The following WDR64 variants were observed in gnomAD, a reference collection of about 807,000 sequenced individuals.
WDR64 encodes WD repeat-containing protein 64.
WDR64 carries 112 observed loss-of-function variants against 139.3 expected under a neutral mutation model. The ratio of observed to expected loss-of-function variants is 0.80; its 90% confidence interval spans 0.69 to 0.94. WDR64 has a LOEUF of 0.94. WDR64 is among the 40% of genes least tolerant of loss of function. WDR64 has a pLI of 0.00. For synonymous variants in WDR64, 444 were observed against 437.7 expected (o/e 1.01, Z -0.18); for missense variants, 1,206 against 1,293.1 (o/e 0.93, Z 1.03).
chr1:241,660,381 G>A, intron 1 of WDR64, 149 bp from the exon 2 acceptor site: 1 of 964,802 alleles, frequency 1.0e-6, no homozygotes, highest in East Asian at 2.7e-5. Flanking sequence ...TTAGGATTGT[G>A]CAAAGACAAG....
rs1454821017 is a variant in WDR64 at position 241,775,224 on chromosome 1, C to A, written c.2536+14C>A. On this transcript the variant is annotated intron_variant, in intron 21 of 27. Transcript: ENST00000437684. ...CTGGAAATGTGGGTGAGTCATTACT[C>A]TTAGACATTCAGTGACAGGTGTCTT... 6.5e-7 allele frequency: 1 copy of A among 1,540,426 alleles called. No individual in the cohort carries two copies. Among genetic ancestry groups the A allele is most frequent in the South Asian group, 1.2e-5 (1 of 82,328 alleles).
At chr1:241,685,356 T>C (rs1287668829) in intron 7 of WDR64, among the ~76,000 whole-genome samples, 8 of 151,756 alleles carry the variant, frequency 5.3e-5, no homozygotes, top group Non-Finnish European at 7.4e-5. Context: ...TATTTATCTT[T>C]CAACAGATGA....
At chr1:241,657,222 T>A (rs1665639778) in intron 1 of WDR64, among the ~76,000 whole-genome samples, 1 of 152,112 alleles carries the variant, frequency 6.6e-6, no homozygotes, top group Non-Finnish European at 1.5e-5. Context: ...TCACCCTCAG[T>A]GTTACCCTGG....
At chr1:241,721,964 A>G (rs1315848199) in intron 9 of WDR64, among the ~76,000 whole-genome samples, 1 of 152,108 alleles carries the variant, frequency 6.6e-6, no homozygotes, top group Non-Finnish European at 1.5e-5. Context: ...GAGCCTGGAA[A>G]TGTGTATCCA....
intron 24 of WDR64, among the ~76,000 whole-genome samples, chr1:241,789,496 G>A (rs1659152111): frequency 6.6e-6 from 1 of 152,202 alleles, no homozygotes; most frequent in African/African-American, 2.4e-5. Context: ...ATCAGTGGTA[G>A]ACTGGATAAA....
At chr1:241,722,423 C>A (rs1437391695) in intron 9 of WDR64, among the ~76,000 whole-genome samples, 1 of 152,062 alleles carries the variant, frequency 6.6e-6, no homozygotes, top group East Asian at 1.9e-4. Flanking sequence ...ACACTTGGGA[C>A]TTTATCCACA....
In WDR64 at chr1:241,735,533, CTTTT is replaced by C. The variant is rs58339742; in HGVS notation, c.1195-2814_1195-2811del. The stretch of plus-strand genomic sequence containing the variant: ...GTTCTCTGTCTCTCTCTCTCTCTCT[CTTTT>C]TTTTTTTTTTTTTTTGATACGGAAT... On this transcript the variant is annotated intron_variant, in intron 10 of 27. Coordinates refer to ENST00000437684, the MANE Select transcript of WDR64 (RefSeq NM_001367482.1). Among the ~76,000 whole-genome samples, 98 of 103,488 alleles carry C rather than the reference CTTTT, an allele frequency of 9.5e-4. 3 individuals are homozygous for C. The highest frequency in any genetic ancestry group is 3.6e-3 in the African/African-American group (94 of 26,332). 67.9% of individuals were successfully genotyped at this position (103,488 alleles called of 152,430 possible). A position where few individuals can be genotyped will look rare whatever the true frequency, so the allele number is the denominator to read the frequency against.
At chr1:241,726,435 A>G (rs1668842609) in intron 10 of WDR64, among the ~76,000 whole-genome samples, 1 of 152,100 alleles carries the variant, frequency 6.6e-6, no homozygotes, top group Non-Finnish European at 1.5e-5. Flanking sequence ...TGGTTGCACA[A>G]CTATTTAAAT....
chr1:241,756,519 T>C (rs1670199007), intron 14 of WDR64, among the ~76,000 whole-genome samples: 1 of 152,206 alleles, frequency 6.6e-6, no homozygotes, highest in Admixed American at 6.5e-5. Flanking sequence ...TTTGACTTCC[T>C]GTCTTCCTAT....
chr1:241,706,433 A>G (rs1416203588), intron 8 of WDR64, among the ~76,000 whole-genome samples: 1 of 152,254 alleles, frequency 6.6e-6, no homozygotes, highest in Non-Finnish European at 1.5e-5. Flanking sequence ...AGTTCAGTTC[A>G]TTCAGCCAAG....
intron 10 of WDR64, among the ~76,000 whole-genome samples, chr1:241,733,466 ACT>A (rs1267844733): frequency 1.1e-4 from 17 of 151,194 alleles, no homozygotes; most frequent in Admixed American, 2.0e-4. Context: ...CAAGAGCAAA[ACT>A]CTGTCTCAAA....
Position 241,770,653 on chromosome 1 carries a change from C to T in WDR64, c.2216C>T (p.Ser739Phe). Residue 739 changes from serine (S) to phenylalanine (F), a missense_variant, in exon 18 of 28, where the codon TCC (serine) becomes TTC (phenylalanine). Physicochemically the swap from Ser to Phe is radical, Grantham distance 155 (BLOSUM62 -2). Transcript: ENST00000437684. ...RSSQDSICSS[S>F]QCESSKGPQS... ...AGTCAGGATTCCATATGTTCTTCAT[C>T]CCAGTGTGAATCCAGCAAAGGTCCA... 1 of 1,551,470 alleles carries T rather than the reference C, an allele frequency of 6.4e-7. No homozygotes were observed.
At chr1:241,798,744 A>G (rs1659436487) in intron 27 of WDR64, among the ~76,000 whole-genome samples, 1 of 152,210 alleles carries the variant, frequency 6.6e-6, no homozygotes, top group Non-Finnish European at 1.5e-5. Flanking sequence ...TTTGAGTAAA[A>G]GGTTCAATAA....
chr1:241,714,311 A>G (rs149972305), intron 9 of WDR64, among the ~76,000 whole-genome samples: 1,788 of 152,228 alleles, frequency 0.012, 22 homozygotes, highest in Middle Eastern at 0.027. Flanking sequence ...AAAGAAGAAA[A>G]CTCTGTCATC....
intron 4 of WDR64, chr1:241,675,985 T>G (rs902398538): frequency 6.6e-6 from 1 of 152,256 alleles, no homozygotes; most frequent in Non-Finnish European, 1.5e-5. Flanking sequence ...TTAAAAATCC[T>G]AATGATTAGT....
At chr1:241,790,130 C>T (rs1659168767) in intron 24 of WDR64, among the ~76,000 whole-genome samples, 1 of 152,090 alleles carries the variant, frequency 6.6e-6, no homozygotes, top group Admixed American at 6.5e-5. Context: ...GCAGGCAGAT[C>T]ACTTGAGGTC....
chr1:241,702,440 T>A (rs1185406930), intron 8 of WDR64, among the ~76,000 whole-genome samples: 1 of 152,154 alleles, frequency 6.6e-6, no homozygotes, highest in Non-Finnish European at 1.5e-5. Flanking sequence ...AAGTGCCTTG[T>A]TTAATGCCTG....
intron 11 of WDR64, among the ~76,000 whole-genome samples, chr1:241,740,807 AG>A (rs1669510207): frequency 6.6e-6 from 1 of 152,070 alleles, no homozygotes; most frequent in Admixed American, 6.6e-5. Flanking sequence ...CTGGGATTAC[AG>A]GCACCCACCA....
chr1:241,784,246 A>T, intron 23 of WDR64, among the ~76,000 whole-genome samples: 1 of 152,186 alleles, frequency 6.6e-6, no homozygotes, highest in East Asian at 1.9e-4. Context: ...GTGGGGGAGT[A>T]ATATGACCTG....
Sources: allele counts gnomAD v4.1 joint callset (sites outside exome capture counted in the v4.1 genomes callset), GRCh38; gene constraint gnomAD v4.1.1; transcripts MANE v1.5; gene names NCBI Gene and HGNC (gene_info 2026-07-23, HGNC 2026-07-21).